The following RCAN2 variants were observed in gnomAD, a reference collection of about 807,000 sequenced individuals.
RCAN2 encodes calcipressin-2.
In RCAN2, 9 loss-of-function variants were observed where a neutral mutation model predicts 23.6. That is an observed-to-expected ratio of 0.38 (90% confidence interval 0.23 to 0.67). RCAN2 has a LOEUF of 0.67. Among genes scored for constraint, RCAN2 ranks in the 30% least tolerant of loss-of-function variants. The pLI, the probability that RCAN2 is intolerant of heterozygous loss-of-function variation, is 0.51. For synonymous variants in RCAN2, 109 were observed against 115.7 expected (o/e 0.94, Z 0.37); for missense variants, 273 against 302.3 (o/e 0.90, Z 0.72).
chr6:46,472,293 A>G (rs1309361766), intron 1 of RCAN2, among the ~76,000 whole-genome samples: 2 of 152,218 alleles, frequency 1.3e-5, no homozygotes, highest in Admixed American at 6.5e-5. Flanking sequence ...ACCCATATTC[A>G]AAAGGCTACA....
intron 2 of RCAN2, among the ~76,000 whole-genome samples, chr6:46,431,106 T>C (rs1767186430): frequency 6.6e-6 from 1 of 152,154 alleles, no homozygotes. Context: ...GTTGATTATC[T>C]TCCCAGCATT....
At chr6:46,350,846 A>AGTTCTAC (rs1764626336) in intron 2 of RCAN2, among the ~76,000 whole-genome samples, 1 of 152,130 alleles carries the variant, frequency 6.6e-6, no homozygotes, top group Non-Finnish European at 1.5e-5. Flanking sequence ...ACTGCTAGTG[A>AGTTCTAC]ACAGTAGAAC....
intron 4 of RCAN2, among the ~76,000 whole-genome samples, chr6:46,241,892 T>A (rs541374834): frequency 1.8e-4 from 27 of 152,242 alleles, no homozygotes; most frequent in Non-Finnish European, 3.7e-4. Flanking sequence ...TTTATCTTCA[T>A]CCCCACATAA....
At chr6:46,328,267 T>TA (rs938892792) in intron 2 of RCAN2, among the ~76,000 whole-genome samples, 17 of 152,332 alleles carry the variant, frequency 1.1e-4, no homozygotes, top group Admixed American at 3.9e-4. Context: ...TTTCCTCTTT[T>TA]AAAATATCTT....
intron 2 of RCAN2, among the ~76,000 whole-genome samples, chr6:46,253,513 G>A (rs915084436): frequency 7.0e-4 from 106 of 152,312 alleles, no homozygotes; most frequent in African/African-American, 2.5e-3. Flanking sequence ...GGATGTCACA[G>A]AAGTGCTTCT....
intron 2 of RCAN2, among the ~76,000 whole-genome samples, chr6:46,441,908 T>C (rs1334499600): frequency 6.6e-6 from 1 of 152,032 alleles, no homozygotes; most frequent in Non-Finnish European, 1.5e-5. Flanking sequence ...ACAGAGAAAA[T>C]AGCAGAGGGT....
At chr6:46,264,939 A>G (rs1767268943) in intron 2 of RCAN2, among the ~76,000 whole-genome samples, 1 of 152,184 alleles carries the variant, frequency 6.6e-6, no homozygotes, top group Admixed American at 6.5e-5. Context: ...AAGAGATTAA[A>G]CGATCTGCCT....
chr6:46,345,808 C>T (rs9381442), intron 2 of RCAN2, among the ~76,000 whole-genome samples: 64,163 of 151,932 alleles, frequency 0.42, 14,978 homozygotes, highest in East Asian at 0.6. Flanking sequence ...TTGTGAAATC[C>T]GTGAAAATAC....
At position 46,280,023 on chromosome 6, in the gene RCAN2, T is replaced by C. The variant is rs375057093; in HGVS notation, c.226-31127A>G. Reference sequence around the variant, plus strand: ...CTATGGCACAGAGTGATTCAGAGTCTTGGTCAAGATCACAGAGCAAGTTAA... The same window carrying C: ...CTATGGCACAGAGTGATTCAGAGTCCTGGTCAAGATCACAGAGCAAGTTAA... On this transcript the variant is annotated intron_variant, in intron 2 of 4. Coordinates refer to ENST00000371374, the MANE Select transcript of RCAN2 (RefSeq NM_001251974.2). Among the ~76,000 whole-genome samples, 23 of 152,304 alleles carry C rather than the reference T, an allele frequency of 1.5e-4. No individual in the cohort carries two copies. In the East Asian group the frequency reaches 3.9e-3, roughly 26 times the overall value.
chr6:46,442,110 A>G (rs904175832), intron 2 of RCAN2, among the ~76,000 whole-genome samples: 1 of 152,234 alleles, frequency 6.6e-6, no homozygotes, highest in Admixed American at 6.5e-5. Flanking sequence ...AAGGAAGTCA[A>G]GACAGGCAGG....
chr6:46,319,220 T>C (rs753846943), intron 2 of RCAN2, among the ~76,000 whole-genome samples: 1 of 152,200 alleles, frequency 6.6e-6, no homozygotes, highest in Non-Finnish European at 1.5e-5. Flanking sequence ...AAAGTGATAA[T>C]AAGTGTTTCA....
At chr6:46,354,678 A>G (rs954906804) in intron 2 of RCAN2, among the ~76,000 whole-genome samples, 3 of 152,374 alleles carry the variant, frequency 2.0e-5, no homozygotes, top group African/African-American at 7.2e-5. Flanking sequence ...AAGTGAGGCC[A>G]ATGTAGTCAC....
rs187155413 is a variant in RCAN2, at chr6:46,231,645, G to A, written c.572-8344C>T. ...GGCTGGTCTCGAACTCCTGATCTCA[G>A]GTGATCCACCCGCCTTGGCCTCCCA... On this transcript the variant is annotated intron_variant, in intron 4 of 4. Coordinates refer to ENST00000371374, the MANE Select transcript of RCAN2 (RefSeq NM_001251974.2). Among the ~76,000 whole-genome samples, 262 of 152,188 alleles carry A rather than the reference G, an allele frequency of 1.7e-3. 1 individual carries two copies. Among genetic ancestry groups the A allele is most frequent in the Non-Finnish European group, 6.3e-4 (43 of 67,994 alleles).
In RCAN2 at chr6:46,337,233, G is replaced by A. The variant is rs137921735; in HGVS notation, c.226-88337C>T. Among the ~76,000 whole-genome samples the A allele has an allele frequency of 2.1e-4, 32 of 152,214 alleles. No homozygotes were observed. The East Asian group carries it at 3.5e-3, about 17-fold the overall frequency. ...CTTCTTACAATGGTAAGAGATACTCGTTTTTATTGGCACTAATTAAGGAAG... is the reference window on the plus strand; with the variant it reads ...CTTCTTACAATGGTAAGAGATACTCATTTTTATTGGCACTAATTAAGGAAG... On this transcript the variant is annotated intron_variant, in intron 2 of 4. Transcript: ENST00000371374.
intron 1 of RCAN2, among the ~76,000 whole-genome samples, chr6:46,489,687 T>C (rs1404683065): frequency 6.6e-6 from 1 of 152,220 alleles, no homozygotes; most frequent in African/African-American, 2.4e-5. Flanking sequence ...CTGGAGGACC[T>C]GCACACACTA....
intron 1 of RCAN2, among the ~76,000 whole-genome samples, chr6:46,490,731 G>C (rs1354644042): frequency 6.6e-6 from 1 of 152,070 alleles, no homozygotes; most frequent in African/African-American, 2.4e-5. Flanking sequence ...GGGAAGAAGG[G>C]ATCTCTCGAT....
At chr6:46,390,953 G>A (rs755729364) in intron 2 of RCAN2, among the ~76,000 whole-genome samples, 3 of 152,154 alleles carry the variant, frequency 2.0e-5, no homozygotes, top group African/African-American at 7.2e-5. Context: ...TGGCAGGGGG[G>A]ACCAGGGAGT....
At chr6:46,449,190 T>C (rs1435913228) in intron 2 of RCAN2, among the ~76,000 whole-genome samples, 3 of 151,560 alleles carry the variant, frequency 2.0e-5, no homozygotes, top group Non-Finnish European at 4.4e-5. Context: ...AACAAGGAAC[T>C]ATCTGAAAAA....
intron 2 of RCAN2, among the ~76,000 whole-genome samples, chr6:46,275,285 G>A (rs1767657157): frequency 6.6e-6 from 1 of 152,040 alleles, no homozygotes; most frequent in South Asian, 2.1e-4. Flanking sequence ...ATATTCTTAT[G>A]ATCAGCAGAC....
Sources: allele counts gnomAD v4.1 joint callset (sites outside exome capture counted in the v4.1 genomes callset), GRCh38; gene constraint gnomAD v4.1.1; transcripts MANE v1.5; gene names NCBI Gene and HGNC (gene_info 2026-07-23, HGNC 2026-07-21).